The following CGNL1 variants were observed in gnomAD, a reference collection of about 807,000 sequenced individuals.
The protein encoded by CGNL1 is cingulin-like protein 1.
A neutral mutation model predicts 141.2 loss-of-function variants in CGNL1; 132 were observed. That is an observed-to-expected ratio of 0.93 (90% CI 0.81 to 1.08). CGNL1 has a LOEUF of 1.08. CGNL1 is among the 50% of genes least tolerant of loss of function. The pLI, the probability that CGNL1 is intolerant of heterozygous loss-of-function variation, is 0.00. For missense variants in CGNL1, 1,870 were observed against 1,588.6 expected, an observed-to-expected ratio of 1.18 and a Z score of -3.01; for synonymous variants, 690 against 622.1, an observed-to-expected ratio of 1.11 and a Z score of -1.63.
intron 10 of CGNL1, among the ~76,000 whole-genome samples, chr15:57,520,574 T>C (rs1482479167): frequency 6.6e-6 from 1 of 152,208 alleles, no homozygotes; most frequent in Non-Finnish European, 1.5e-5. Context: ...TGTGTTGCTG[T>C]CTAGGGCTAC....
In CGNL1 at chr15:57,442,441, A is replaced by C. The variant is rs778408718; in HGVS notation, c.1766A>C (p.Lys589Thr). 6.2e-7 allele frequency: 1 copy of C among 1,613,618 alleles called. No homozygotes were observed. Among genetic ancestry groups the C allele is most frequent in the South Asian group, 1.1e-5 (1 of 91,062 alleles). The change falls in exon 4 of 19, where the codon AAG becomes ACG. Residue 589 changes from lysine (K) to threonine (T), a missense_variant. Physicochemically the swap from Lys to Thr is moderately conservative, Grantham distance 78. Transcript: ENST00000281282. ...NLVFEKIQTLKSRAAGSAQGN... is the reference protein window; with the variant it reads ...NLVFEKIQTLTSRAAGSAQGN... ...GTCTTTGAGAAAATCCAGACCTTAAAGTCTCGAGCAGCTGGGAGCGCCCAA... is the reference window on the plus strand; with the variant it reads ...GTCTTTGAGAAAATCCAGACCTTAACGTCTCGAGCAGCTGGGAGCGCCCAA...
In CGNL1 at chr15:57,383,292, C is replaced by CTTTTTTTTTTTTTTTT. The variant is rs59213732; in HGVS notation, c.-16+6738_-16+6739insTTTTTTTTTTTTTTTT. Among the ~76,000 whole-genome samples, 74 of 109,594 alleles carry CTTTTTTTTTTTTTTTT rather than the reference C, an allele frequency of 6.8e-4. 1 individual carries two copies. The highest frequency in any genetic ancestry group is 2.2e-3 in the African/African-American group (60 of 27,436). 71.9% of individuals were successfully genotyped at this position (109,594 alleles called of 152,430 possible). ...TAACAAACTTAAGATTTCTTTCTTC[C>CTTTTTTTTTTTTTTTT]TTTTTTTTTTTTTGTTTTTTTGATA... On this transcript the variant is annotated intron_variant, in intron 1 of 18. Transcript: ENST00000281282.
intron 1 of CGNL1, among the ~76,000 whole-genome samples, chr15:57,413,462 G>T (rs536059855): frequency 6.6e-6 from 1 of 152,082 alleles, no homozygotes; most frequent in Admixed American, 6.5e-5. Flanking sequence ...GAAGATGGGG[G>T]TTTTGCCCAG....
At chr15:57,413,467 G>T (rs1321752772) in intron 1 of CGNL1, among the ~76,000 whole-genome samples, 2 of 152,068 alleles carry the variant, frequency 1.3e-5, no homozygotes, top group African/African-American at 4.8e-5. Flanking sequence ...TGGGGGTTTT[G>T]CCCAGGGGTT....
At chr15:57,419,184 C>A (rs923055694) in intron 1 of CGNL1, among the ~76,000 whole-genome samples, 4 of 152,162 alleles carry the variant, frequency 2.6e-5, no homozygotes, top group Non-Finnish European at 5.9e-5. Context: ...CCTGCCTCGG[C>A]CTCCCAAAGT....
intron 8 of CGNL1, among the ~76,000 whole-genome samples, chr15:57,503,504 GC>G (rs1322291111): frequency 6.6e-6 from 1 of 152,138 alleles, no homozygotes; most frequent in Non-Finnish European, 1.5e-5. Flanking sequence ...TGAGGACTGG[GC>G]CCCCTTGTGT....
At chr15:57,380,816 T>C (rs1256520016) in intron 1 of CGNL1, among the ~76,000 whole-genome samples, 1 of 152,160 alleles carries the variant, frequency 6.6e-6, no homozygotes, top group Non-Finnish European at 1.5e-5. Flanking sequence ...TTTGGCACAT[T>C]AGTAACTGGT....
chr15:57,509,381 G>A (rs772592974), intron 8 of CGNL1, among the ~76,000 whole-genome samples: 2 of 152,228 alleles, frequency 1.3e-5, no homozygotes, highest in East Asian at 1.9e-4. Flanking sequence ...GGCAGAGGCC[G>A]TGTTAATTAG....
intron 8 of CGNL1, among the ~76,000 whole-genome samples, chr15:57,475,130 GC>G (rs1343930079): frequency 3.3e-5 from 5 of 152,060 alleles, no homozygotes; most frequent in African/African-American, 1.2e-4. Flanking sequence ...CAACTGTGTT[GC>G]CCCCTTCTGA....
At chr15:57,453,548 C>T (rs1198640222) in intron 6 of CGNL1, 135 bp from the exon 7 acceptor site, 5 of 1,082,302 alleles carry the variant, frequency 4.6e-6, no homozygotes, top group Admixed American at 2.7e-5. Flanking sequence ...ATCCCTTGCT[C>T]AGTGCAGAAC....
rs537214276 is a variant in CGNL1 at position 57,519,842 on chromosome 15, G to A, written c.2715+1345G>A. ...CATGGTATGTCCACACCAAGTCCCCGGTGCAGCTATGGGTCTCTCAGAACC... is the reference window on the plus strand; with the variant it reads ...CATGGTATGTCCACACCAAGTCCCCAGTGCAGCTATGGGTCTCTCAGAACC... On this transcript the variant is annotated intron_variant, in intron 10 of 18. Coordinates refer to ENST00000281282, the MANE Select transcript of CGNL1 (RefSeq NM_032866.5). Among the ~76,000 whole-genome samples the A allele has an allele frequency of 6.2e-4, 95 of 152,256 alleles. 1 individual carries two copies. The highest frequency in any genetic ancestry group is 3.7e-3 in the South Asian group (18 of 4,806).
chr15:57,474,805 G>C (rs1053190884), intron 8 of CGNL1, among the ~76,000 whole-genome samples: 5 of 152,216 alleles, frequency 3.3e-5, no homozygotes, highest in Admixed American at 1.3e-4. Context: ...TAGGGGGATG[G>C]AGTAAGAGGA....
intron 1 of CGNL1, among the ~76,000 whole-genome samples, chr15:57,399,214 C>T (rs112843776): frequency 9.5e-4 from 144 of 152,244 alleles, no homozygotes; most frequent in Middle Eastern, 3.4e-3. Flanking sequence ...CATTTGAAAT[C>T]CTATCTTCTA....
intron 8 of CGNL1, among the ~76,000 whole-genome samples, chr15:57,476,221 C>T (rs548447608): frequency 1.6e-4 from 24 of 152,054 alleles, no homozygotes; most frequent in African/African-American, 5.5e-4. Context: ...CAGGCCAGGG[C>T]GGGTTCCTAA....
At chr15:57,417,668 C>T (rs1441692167) in intron 1 of CGNL1, among the ~76,000 whole-genome samples, 1 of 148,378 alleles carries the variant, frequency 6.7e-6, no homozygotes, top group Non-Finnish European at 1.5e-5. Context: ...CTCTCTCGTT[C>T]ATTTATTCAT....
chr15:57,413,353 T>G (rs974799609), intron 1 of CGNL1, among the ~76,000 whole-genome samples: 1 of 150,972 alleles, frequency 6.6e-6, no homozygotes, highest in Non-Finnish European at 1.5e-5. Flanking sequence ...CATGGCTCAC[T>G]GCAGCCACAA....
intron 12 of CGNL1, among the ~76,000 whole-genome samples, chr15:57,525,002 G>A (rs1244612303): frequency 6.6e-6 from 1 of 152,108 alleles, no homozygotes; most frequent in African/African-American, 2.4e-5. Context: ...ATAATTTTTT[G>A]CCTAAAATGT....
At chr15:57,425,055 GA>G (rs1429447745) in intron 1 of CGNL1, among the ~76,000 whole-genome samples, 7 of 151,586 alleles carry the variant, frequency 4.6e-5, no homozygotes, top group African/African-American at 9.8e-5. Flanking sequence ...GAATCGTTGA[GA>G]TTTTTTTTTC....
intron 18 of CGNL1, among the ~76,000 whole-genome samples, chr15:57,546,849 C>T (rs1400153665): frequency 6.6e-6 from 1 of 152,256 alleles, no homozygotes. Flanking sequence ...ACGTGGGGCT[C>T]TTTGCTGGCT....
Sources: gnomAD v4.1 joint callset for allele counts (sites outside exome capture counted in the v4.1 genomes callset) on GRCh38, gnomAD v4.1.1 for gene constraint, MANE v1.5 for transcripts, NCBI Gene and HGNC (gene_info 2026-07-23, HGNC 2026-07-21) for gene names.